SPIDR: variants seen among roughly 807,000 people sequenced by gnomAD.
SPIDR encodes DNA repair-scaffolding protein.
In SPIDR, 93 loss-of-function variants were observed where a neutral mutation model predicts 104.6. The observed-to-expected ratio is 0.89, with a 90% CI of 0.75 to 1.06. The LOEUF (loss-of-function observed/expected upper bound fraction) is 1.06. SPIDR is among the 50% of genes least tolerant of loss of function. The pLI is 0.00. For synonymous variants in SPIDR, 431 were observed against 416.9 expected (o/e 1.03, Z -0.41); for missense variants, 1,154 against 1,111.2 (o/e 1.04, Z -0.55).
chr8:47,379,613 T>C (rs2059085125), intron 5 of SPIDR, among the ~76,000 whole-genome samples: 1 of 152,172 alleles, frequency 6.6e-6, no homozygotes, highest in South Asian at 2.1e-4. Flanking sequence ...TGAGGTACAG[T>C]GAAACACTGG....
intron 8 of SPIDR, among the ~76,000 whole-genome samples, chr8:47,482,342 G>A (rs1469120687): frequency 6.6e-6 from 1 of 152,132 alleles, no homozygotes; most frequent in Admixed American, 6.5e-5. Context: ...GGCTGAGGTG[G>A]GAAGATCACC....
At chr8:47,723,073 G>T (rs773460421) in intron 16 of SPIDR, among the ~76,000 whole-genome samples, 5 of 152,112 alleles carry the variant, frequency 3.3e-5, no homozygotes, top group Non-Finnish European at 5.9e-5. Flanking sequence ...TCACTGTGTT[G>T]CCCAGGCTGC....
intron 1 of SPIDR, among the ~76,000 whole-genome samples, chr8:47,261,333 C>T (rs1329083703): frequency 6.6e-6 from 1 of 152,222 alleles, no homozygotes; most frequent in Non-Finnish European, 1.5e-5. Context: ...TGTAATGTAC[C>T]AAACCGCAGG....
At chr8:47,332,893 G>A (rs1429511082) in intron 5 of SPIDR, among the ~76,000 whole-genome samples, 1 of 133,848 alleles carries the variant, frequency 7.5e-6, no homozygotes, top group Non-Finnish European at 1.6e-5. Context: ...GTAGATTCTG[G>A]ATATTAGCCC....
chr8:47,660,315 T>G (rs886211686), intron 10 of SPIDR: 8 of 362,788 alleles, frequency 2.2e-5, no homozygotes, highest in Non-Finnish European at 2.7e-5. Flanking sequence ...ATTCACTTCA[T>G]AATGGACTTT....
intron 5 of SPIDR, among the ~76,000 whole-genome samples, chr8:47,343,872 G>A (rs1012537988): frequency 6.6e-6 from 1 of 152,074 alleles, no homozygotes; most frequent in Non-Finnish European, 1.5e-5. Flanking sequence ...GTCCTTCGGG[G>A]GGGAAAAGAA....
At chr8:47,697,030 A>G (rs1478394938) in intron 11 of SPIDR, among the ~76,000 whole-genome samples, 2 of 152,084 alleles carry the variant, frequency 1.3e-5, no homozygotes, top group African/African-American at 4.8e-5. Context: ...CAGTCTCTCC[A>G]TGGGGCCCTC....
At chr8:47,566,616 G>A (rs2057889900) in intron 8 of SPIDR, among the ~76,000 whole-genome samples, 1 of 151,088 alleles carries the variant, frequency 6.6e-6, no homozygotes, top group Admixed American at 6.6e-5. Context: ...TTTTTGAGAA[G>A]GAGCCTCGCT....
chr8:47,490,352 G>T (rs527833882), intron 8 of SPIDR, among the ~76,000 whole-genome samples: 1 of 152,180 alleles, frequency 6.6e-6, no homozygotes, highest in Non-Finnish European at 1.5e-5. Context: ...GAAACAACAG[G>T]TGCTGGAGAG....
intron 10 of SPIDR, among the ~76,000 whole-genome samples, chr8:47,626,389 G>C (rs898258727): frequency 1.2e-4 from 18 of 152,116 alleles, no homozygotes; most frequent in Non-Finnish European, 1.9e-4. Context: ...TTAACAAATG[G>C]GATCTAATTA....
chr8:47,360,762 C>A, intron 5 of SPIDR: 1 of 844,602 alleles, frequency 1.2e-6, no homozygotes, highest in Non-Finnish European at 1.4e-6. Context: ...AAACAAAAAA[C>A]AGAAGTGAAA....
chr8:47,590,777 C>A (rs1343366013), intron 8 of SPIDR, among the ~76,000 whole-genome samples: 3 of 152,062 alleles, frequency 2.0e-5, no homozygotes, highest in Non-Finnish European at 2.9e-5. Flanking sequence ...GTGGATTTGT[C>A]TATTCTTTGA....
At chr8:47,291,386 C>T (rs1471711299) in intron 4 of SPIDR, among the ~76,000 whole-genome samples, 1 of 152,150 alleles carries the variant, frequency 6.6e-6, no homozygotes, top group Non-Finnish European at 1.5e-5. Flanking sequence ...AACTGGATCA[C>T]CAGTACATTG....
chr8:47,361,019 G>A (rs2055786725), intron 5 of SPIDR: 2 of 965,010 alleles, frequency 2.1e-6, no homozygotes, highest in Non-Finnish European at 2.5e-6. Flanking sequence ...AAATAAATAA[G>A]TGATGCTGAT....
In SPIDR at chr8:47,317,252, C is replaced by T. The variant is rs974922403; in HGVS notation, c.525+23222C>T. 4.6e-5 allele frequency among the ~76,000 whole-genome samples: 7 copies of T among 152,206 alleles called. No individual in the cohort carries two copies. The East Asian group carries it at 1.4e-3, about 30-fold the overall frequency. On this transcript the variant is annotated intron_variant, in intron 5 of 19. Coordinates refer to ENST00000297423, the MANE Select transcript of SPIDR (RefSeq NM_001080394.4). The stretch of plus-strand genomic sequence containing the variant: ...ACCTGGAAAATTGGGTCACTCCCAC[C>T]CTAATACTGCGCTTTTCCAATGGTC...
At chr8:47,620,427 C>G (rs1365375891) in intron 10 of SPIDR, among the ~76,000 whole-genome samples, 9 of 151,612 alleles carry the variant, frequency 5.9e-5, no homozygotes, top group African/African-American at 1.7e-4. Flanking sequence ...GGCACCACAC[C>G]TGGCTAATTT....
chr8:47,727,537 T>C (rs1024187832), intron 17 of SPIDR, among the ~76,000 whole-genome samples: 1 of 152,088 alleles, frequency 6.6e-6, no homozygotes, highest in Admixed American at 6.6e-5. Flanking sequence ...TGTCCCCACC[T>C]CCTTTATTAT....
intron 7 of SPIDR, among the ~76,000 whole-genome samples, chr8:47,420,300 T>G (rs1283384720): frequency 6.6e-6 from 1 of 152,166 alleles, no homozygotes; most frequent in East Asian, 1.9e-4. Flanking sequence ...TGGGTGCTCC[T>G]GTATTAGGTG....
At chr8:47,563,236 C>A (rs911518325) in intron 8 of SPIDR, among the ~76,000 whole-genome samples, 1 of 152,038 alleles carries the variant, frequency 6.6e-6, no homozygotes. Context: ...GTGGCCCCGT[C>A]AGGGCTCACT....
Sources: allele counts gnomAD v4.1 joint callset (sites outside exome capture counted in the v4.1 genomes callset), GRCh38; gene constraint gnomAD v4.1.1; transcripts MANE v1.5; gene names NCBI Gene and HGNC (gene_info 2026-07-23, HGNC 2026-07-21).